The following QTGAL variants were observed in gnomAD, a reference collection of about 807,000 sequenced individuals.
QTGAL encodes queuosine-tRNA galactosyltransferase.
At chr17:83,010,569 T>G in the QTGAL span, among the ~76,000 whole-genome samples, 1 of 152,232 alleles carries the variant, frequency 6.6e-6, no homozygotes, top group Admixed American at 6.5e-5. Flanking sequence ...CCTCCCAGGC[T>G]GCATGTGCAG....
At chr17:82,977,830 T>C in the QTGAL span, among the ~76,000 whole-genome samples, 505 of 152,290 alleles carry the variant, frequency 3.3e-3, 3 homozygotes, top group African/African-American at 0.012. Flanking sequence ...ACGCTGCCCA[T>C]GTCACACACG....
At chr17:83,025,817 G>A in the QTGAL span, among the ~76,000 whole-genome samples, 2 of 152,244 alleles carry the variant, frequency 1.3e-5, no homozygotes, top group Non-Finnish European at 2.9e-5. Flanking sequence ...AGCCTGGCCC[G>A]GCACCGGGTG....
chr17:82,973,302 AT>A, the QTGAL span, among the ~76,000 whole-genome samples: 1 of 151,330 alleles, frequency 6.6e-6, no homozygotes, highest in African/African-American at 2.4e-5. Context: ...ACCTGTGACC[AT>A]CTGTGGGTTT....
chr17:83,002,264 G>A, the QTGAL span, among the ~76,000 whole-genome samples: 4 of 152,218 alleles, frequency 2.6e-5, no homozygotes, highest in Non-Finnish European at 4.4e-5. Context: ...GGCCTCCGGG[G>A]AACCCGCTCT....
the QTGAL span, among the ~76,000 whole-genome samples, chr17:83,015,302 G>T: frequency 1.3e-5 from 2 of 152,258 alleles, no homozygotes; most frequent in African/African-American, 4.8e-5. The surrounding 1 kb of genome is among the most constrained non-coding windows in gnomAD (Gnocchi z 4.4). Context: ...CAAAGCTGAA[G>T]ATGCACTTCC....
the QTGAL span, among the ~76,000 whole-genome samples, chr17:83,039,743 G>A: frequency 6.6e-6 from 1 of 152,216 alleles, no homozygotes; most frequent in Non-Finnish European, 1.5e-5. Context: ...AACGGAGGCA[G>A]AGCGAGGTGG....
the QTGAL span, among the ~76,000 whole-genome samples, chr17:83,020,018 G>C: frequency 6.6e-6 from 1 of 152,174 alleles, no homozygotes; most frequent in African/African-American, 2.4e-5. Flanking sequence ...ATAGGTGTGA[G>C]CCACTGCACC....
the QTGAL span, among the ~76,000 whole-genome samples, chr17:82,996,480 C>T: frequency 2.8e-4 from 41 of 148,734 alleles, no homozygotes; most frequent in East Asian, 3.0e-3. Context: ...CGAGAACGCG[C>T]GACTGCACTC....
At chr17:83,005,884 CTCTGCCCCGGAG>C in the QTGAL span, 1 of 1,376,518 alleles carries the variant, frequency 7.3e-7, no homozygotes, top group South Asian at 1.7e-5. The surrounding 1 kb of genome is among the most constrained non-coding windows in gnomAD (Gnocchi z 5.6). Context: ...CCAGCCTGAC[CTCTGCCCCGGAG>C]TGGGCTCCCA....
chr17:82,958,604 T>TG, the QTGAL span, among the ~76,000 whole-genome samples: 5 of 151,994 alleles, frequency 3.3e-5, no homozygotes, highest in African/African-American at 4.8e-5. Context: ...GGCAATGGGA[T>TG]GGGGGGGATG....
At chr17:82,997,965 C>A in the QTGAL span, among the ~76,000 whole-genome samples, 7 of 146,472 alleles carry the variant, frequency 4.8e-5, no homozygotes, top group African/African-American at 1.3e-4. Flanking sequence ...CTATCTAGAT[C>A]TATCTATCTA....
the QTGAL span, among the ~76,000 whole-genome samples, chr17:82,955,628 C>T: frequency 2.0e-5 from 3 of 152,102 alleles, no homozygotes; most frequent in Non-Finnish European, 4.4e-5. Flanking sequence ...TGCCATTTGA[C>T]CCAGCAATAC....
At chr17:82,977,482 A>G in the QTGAL span, among the ~76,000 whole-genome samples, 2 of 150,806 alleles carry the variant, frequency 1.3e-5, no homozygotes, top group Non-Finnish European at 2.9e-5. Context: ...TGTACTTAAC[A>G]TTTTCAACAA....
chr17:82,961,406 G>C, the QTGAL span: 1 of 395,112 alleles, frequency 2.5e-6, no homozygotes, highest in South Asian at 2.3e-5. Context: ...GGGAGGGTGG[G>C]CTGGGTCTTG....
chr17:82,983,142 T>C, the QTGAL span, among the ~76,000 whole-genome samples: 2 of 152,058 alleles, frequency 1.3e-5, no homozygotes, highest in Non-Finnish European at 2.9e-5. Flanking sequence ...TAGCCAGGCA[T>C]GATGGCACGT....
chr17:82,966,016 C>T, the QTGAL span, among the ~76,000 whole-genome samples: 1 of 152,160 alleles, frequency 6.6e-6, no homozygotes, highest in Admixed American at 6.5e-5. Context: ...CTCAAGCAAT[C>T]CTCCTATCTC....
the QTGAL span, among the ~76,000 whole-genome samples, chr17:83,045,392 A>G: frequency 6.6e-6 from 1 of 152,342 alleles, no homozygotes. Context: ...AAAAGAATGA[A>G]GCTGGACCTT....
At chr17:83,041,171 G>A in the QTGAL span, among the ~76,000 whole-genome samples, 1 of 151,772 alleles carries the variant, frequency 6.6e-6, no homozygotes, top group Non-Finnish European at 1.5e-5. Context: ...AGCAAACACA[G>A]AGATAGATGG....
chr17:82,956,894 G>T, the QTGAL span: 1 of 1,184,542 alleles, frequency 8.4e-7, no homozygotes, highest in Non-Finnish European at 1.2e-6. This position sits in a 1 kb window ranked among gnomAD's most constrained non-coding sequence, Gnocchi z 5.7. Context: ...AGCAGATAAC[G>T]TGCCAGGGTC....
Sources: gnomAD v4.1 joint callset for allele counts (sites outside exome capture counted in the v4.1 genomes callset) on GRCh38, gnomAD v4.1.1 for gene constraint, Gnocchi (gnomAD v3.1) non-coding constraint, MANE v1.5 for transcripts, NCBI Gene and HGNC (gene_info 2026-07-23, HGNC 2026-07-21) for gene names.